Variants in EXOC4 observed in about 807,000 individuals in gnomAD.
The protein encoded by EXOC4 is SEC8-like 1.
A neutral mutation model predicts 107.2 loss-of-function variants in EXOC4; 71 were observed. That is an observed-to-expected ratio of 0.66 (90% confidence interval 0.55 to 0.81). EXOC4 has a LOEUF of 0.81. Among genes scored for constraint, EXOC4 ranks in the 30% least tolerant of loss-of-function variants. The probability of loss-of-function intolerance (pLI) is 0.00; values close to 1 mark genes in which losing one functional copy is unlikely to be tolerated. For synonymous variants in EXOC4, 456 were observed against 441.2 expected (o/e 1.03, Z -0.42); for missense variants, 1,108 against 1,189.6 (o/e 0.93, Z 1.01).
chr7:134,049,433 A>G (rs1563104412), intron 17 of EXOC4, among the ~76,000 whole-genome samples: 2 of 152,224 alleles, frequency 1.3e-5, no homozygotes, highest in South Asian at 4.1e-4. Flanking sequence ...CCAGTGAGGA[A>G]TAAACCACTT....
At chr7:133,336,268 T>C (rs1420311456) in intron 5 of EXOC4, among the ~76,000 whole-genome samples, 2 of 152,206 alleles carry the variant, frequency 1.3e-5, no homozygotes, top group Non-Finnish European at 2.9e-5. Context: ...AATCCAATGT[T>C]GTGAGGCCTA....
intron 10 of EXOC4, among the ~76,000 whole-genome samples, chr7:133,688,674 A>G (rs1465373726): frequency 6.6e-6 from 1 of 152,162 alleles, no homozygotes; most frequent in African/African-American, 2.4e-5. Flanking sequence ...TTCATACATA[A>G]TTTAGCTTGT....
intron 9 of EXOC4, among the ~76,000 whole-genome samples, chr7:133,494,567 A>AAAATTTAAG (rs1289001157): frequency 6.6e-6 from 1 of 152,236 alleles, no homozygotes; most frequent in African/African-American, 2.4e-5. Flanking sequence ...TAAATATGTC[A>AAAATTTAAG]TGAATCATTT....
At chr7:133,588,831 C>T (rs921753663) in intron 9 of EXOC4, among the ~76,000 whole-genome samples, 28 of 152,094 alleles carry the variant, frequency 1.8e-4, no homozygotes, top group Non-Finnish European at 1.5e-4. Context: ...GAGCCAAGAT[C>T]CCACCATTGC....
chr7:133,633,981 T>A (rs1373424905), intron 10 of EXOC4, among the ~76,000 whole-genome samples: 1 of 151,886 alleles, frequency 6.6e-6, no homozygotes, highest in Non-Finnish European at 1.5e-5. Flanking sequence ...TTAAAATCAT[T>A]CAGTTCATAA....
At chr7:133,715,630 T>C (rs1422552676) in intron 10 of EXOC4, among the ~76,000 whole-genome samples, 1 of 152,174 alleles carries the variant, frequency 6.6e-6, no homozygotes, top group Non-Finnish European at 1.5e-5. Context: ...TTTTCTTTTT[T>C]CTTTGAGGGC....
At chr7:133,339,913 CTT>C (rs975722913) in intron 5 of EXOC4, among the ~76,000 whole-genome samples, 9 of 152,206 alleles carry the variant, frequency 5.9e-5, no homozygotes, top group South Asian at 4.2e-4. Flanking sequence ...TTGGATGAAT[CTT>C]TGGGGTTTTC....
At chr7:133,633,797 A>AT (rs1207320773) in intron 10 of EXOC4, among the ~76,000 whole-genome samples, 9 of 151,172 alleles carry the variant, frequency 6.0e-5, no homozygotes, top group African/African-American at 9.7e-5. Flanking sequence ...ACATTGTATC[A>AT]TTTTTTTTTC....
intron 4 of EXOC4, among the ~76,000 whole-genome samples, chr7:133,311,961 G>A (rs930359931): frequency 1.3e-5 from 2 of 152,096 alleles, no homozygotes; most frequent in African/African-American, 2.4e-5. Context: ...CAAAGATGGC[G>A]GAAATGCGTA....
intron 7 of EXOC4, among the ~76,000 whole-genome samples, chr7:133,432,048 GTA>G (rs1797867918): frequency 6.6e-6 from 1 of 151,962 alleles, no homozygotes; most frequent in Admixed American, 6.6e-5. Context: ...GAATTTTGTT[GTA>G]TCTGTGAGAG....
intron 10 of EXOC4, among the ~76,000 whole-genome samples, chr7:133,659,451 A>G (rs1803386035): frequency 6.6e-6 from 1 of 152,132 alleles, no homozygotes; most frequent in African/African-American, 2.4e-5. Context: ...TCTGGGGAAA[A>G]ATTACTGGTT....
At chr7:133,274,384 A>C (rs1168074527) in intron 1 of EXOC4, among the ~76,000 whole-genome samples, 1 of 152,244 alleles carries the variant, frequency 6.6e-6, no homozygotes, top group Non-Finnish European at 1.5e-5. Flanking sequence ...TGACTTAAAC[A>C]ATGGATATTT....
chr7:133,964,313 C>G (rs1801012866), intron 14 of EXOC4, among the ~76,000 whole-genome samples: 1 of 151,932 alleles, frequency 6.6e-6, no homozygotes, highest in Non-Finnish European at 1.5e-5. Context: ...CCATATTTTT[C>G]TCTTGAGTTT....
intron 9 of EXOC4, among the ~76,000 whole-genome samples, chr7:133,628,851 G>A (rs973963511): frequency 3.9e-5 from 6 of 152,178 alleles, no homozygotes; most frequent in African/African-American, 1.4e-4. Flanking sequence ...CCTTCTGATA[G>A]CATCAAGAAA....
At chr7:133,749,955 GTTTTTTTTTT>G (rs56902982) in intron 10 of EXOC4, among the ~76,000 whole-genome samples, 2 of 62,100 alleles carry the variant, frequency 3.2e-5, no homozygotes, top group East Asian at 5.4e-4. Context: ...GTGGTTGGCA[GTTTTTTTTTT>G]TTTTTTTTTT....
chr7:133,903,034 G>A (rs547851487), intron 12 of EXOC4, among the ~76,000 whole-genome samples: 2 of 152,304 alleles, frequency 1.3e-5, no homozygotes, highest in Admixed American at 6.5e-5. Flanking sequence ...AGTTGAAAGA[G>A]TTTGACCAGC....
At chr7:133,613,783 G>T (rs1021017240) in intron 9 of EXOC4, among the ~76,000 whole-genome samples, 1 of 152,028 alleles carries the variant, frequency 6.6e-6, no homozygotes, top group Admixed American at 6.6e-5. Context: ...TTCTTTTCAC[G>T]AAATACCTTT....
chr7:133,347,330 G>A (rs1584837683), intron 5 of EXOC4, among the ~76,000 whole-genome samples: 2 of 149,902 alleles, frequency 1.3e-5, no homozygotes, highest in South Asian at 2.1e-4. Flanking sequence ...TGCAACCTCC[G>A]CCTCCTGGGT....
At chr7:133,390,359 C>T (rs780661958) in intron 7 of EXOC4, among the ~76,000 whole-genome samples, 6 of 152,084 alleles carry the variant, frequency 3.9e-5, no homozygotes, top group Non-Finnish European at 7.4e-5. Context: ...TGCGGTTTTT[C>T]GTCATTTATA....
Sources: allele counts gnomAD v4.1 joint callset (sites outside exome capture counted in the v4.1 genomes callset), GRCh38; gene constraint gnomAD v4.1.1; transcripts MANE v1.5; gene names NCBI Gene and HGNC (gene_info 2026-07-23, HGNC 2026-07-21).